Variants in FAM83B observed in about 807,000 individuals in gnomAD.
FAM83B encodes protein FAM83B.
FAM83B carries 26 observed loss-of-function variants against 38.8 expected under a neutral mutation model. The observed-to-expected ratio is 0.67, with a 90% CI of 0.49 to 0.93. The LOEUF (loss-of-function observed/expected upper bound fraction) is 0.93, where lower values mean the gene tolerates loss of function less well. FAM83B is among the 40% of genes least tolerant of loss of function. The pLI, the probability that FAM83B is intolerant of heterozygous loss-of-function variation, is 0.00. For missense variants in FAM83B, 1,237 were observed against 1,197.3 expected, an observed-to-expected ratio of 1.03 and a Z score of -0.49; for synonymous variants, 419 against 423.1, an observed-to-expected ratio of 0.99 and a Z score of 0.12.
intron 2 of FAM83B, among the ~76,000 whole-genome samples, chr6:54,924,787 C>CT (rs1459604820): frequency 4.6e-5 from 7 of 152,040 alleles, no homozygotes; most frequent in Non-Finnish European, 1.0e-4. Flanking sequence ...CTTTTCATCC[C>CT]TGACACTACC....
At chr6:54,876,203 G>A (rs761818990) in intron 2 of FAM83B, among the ~76,000 whole-genome samples, 18 of 148,002 alleles carry the variant, frequency 1.2e-4, no homozygotes, top group Admixed American at 4.0e-4. Flanking sequence ...CAGAGTCTTT[G>A]CATTGCTAAT....
At position 54,943,622 on chromosome 6, in the gene FAM83B, GAA is replaced by G. The variant is rs998544452; in HGVS notation, c.*1619_*1620del. 6.6e-6 allele frequency: 1 copy of G among 152,048 alleles called. No homozygotes were observed. Among genetic ancestry groups the G allele is most frequent in the Non-Finnish European group, 1.5e-5 (1 of 68,000 alleles). 9.4% of individuals were successfully genotyped at this position (152,048 alleles called of 1,614,324 possible). On this transcript the variant is annotated 3_prime_UTR_variant, in exon 5 of 5. Transcript: ENST00000306858. The stretch of plus-strand genomic sequence containing the variant: ...ATTTTCCATAGTGTTTAGAAACCAT[GAA>G]AAAGAAAACATAGCAGGAGAAAATA...
intron 1 of FAM83B, among the ~76,000 whole-genome samples, chr6:54,859,918 T>C (rs1771535996): frequency 6.6e-6 from 1 of 152,266 alleles, no homozygotes; most frequent in South Asian, 2.1e-4. Flanking sequence ...GTACTTCTTT[T>C]AAAAAATCTT....
intron 2 of FAM83B, among the ~76,000 whole-genome samples, chr6:54,896,725 TC>T (rs1402155843): frequency 6.6e-6 from 1 of 152,210 alleles, no homozygotes; most frequent in Non-Finnish European, 1.5e-5. Context: ...TAAATTATGT[TC>T]TGGACACTAT....
At chr6:54,881,069 T>C (rs1772121751) in intron 2 of FAM83B, among the ~76,000 whole-genome samples, 1 of 152,222 alleles carries the variant, frequency 6.6e-6, no homozygotes, top group Non-Finnish European at 1.5e-5. Flanking sequence ...ATTGGTTTCT[T>C]GTACTGAAAT....
chr6:54,927,467 C>T (rs1280752313), intron 3 of FAM83B, 41 bp from the exon 4 acceptor site: 1 of 1,443,540 alleles, frequency 6.9e-7, no homozygotes, highest in South Asian at 1.7e-5. Context: ...ATATTCTTTT[C>T]CTAGCCATAA....
chr6:54,900,308 GCATATCA>G (rs1443423602), intron 2 of FAM83B, among the ~76,000 whole-genome samples: 1 of 152,098 alleles, frequency 6.6e-6, no homozygotes, highest in African/African-American at 2.4e-5. Context: ...CCCCATGCTG[GCATATCA>G]GGATCTCTGG....
chr6:54,879,085 A>G (rs1733452603), intron 2 of FAM83B, among the ~76,000 whole-genome samples: 1 of 152,186 alleles, frequency 6.6e-6, no homozygotes, highest in South Asian at 2.1e-4. Flanking sequence ...GCAGGCATAG[A>G]GACTGAGTTA....
At chr6:54,878,209 G>A (rs1392701112) in intron 2 of FAM83B, among the ~76,000 whole-genome samples, 1 of 152,140 alleles carries the variant, frequency 6.6e-6, no homozygotes, top group Non-Finnish European at 1.5e-5. Context: ...ATAGGTTAAA[G>A]GTATTGCAGG....
chr6:54,898,693 C>G (rs1008634107), intron 2 of FAM83B, among the ~76,000 whole-genome samples: 1 of 152,132 alleles, frequency 6.6e-6, no homozygotes, highest in Admixed American at 6.6e-5. Context: ...TGTTTTAACT[C>G]TTTCCTCTTT....
At chr6:54,847,987 A>G (rs2127570095) in intron 1 of FAM83B, among the ~76,000 whole-genome samples, 1 of 152,200 alleles carries the variant, frequency 6.6e-6, no homozygotes, top group Non-Finnish European at 1.5e-5. Context: ...TAACAAGTGC[A>G]AGAGCCCCGA....
At chr6:54,918,709 T>G (rs1445995506) in intron 2 of FAM83B, among the ~76,000 whole-genome samples, 1 of 152,112 alleles carries the variant, frequency 6.6e-6, no homozygotes, top group African/African-American at 2.4e-5. Flanking sequence ...CAATTCAAGC[T>G]GAGATTTGGA....
intron 2 of FAM83B, among the ~76,000 whole-genome samples, chr6:54,915,812 C>CAAAAAAAAAAAAAA (rs58597609): frequency 5.5e-5 from 1 of 18,048 alleles, no homozygotes; most frequent in African/African-American, 2.4e-4. Flanking sequence ...GACTCCGTCT[C>CAAAAAAAAAAAAAA]AAAAAAAAAA....
intron 1 of FAM83B, 96 bp from the exon 2 acceptor site, chr6:54,870,091 A>C: frequency 1.7e-6 from 1 of 598,560 alleles, no homozygotes. Flanking sequence ...TGGTAATGGA[A>C]ATGTGTAAAT....
chr6:54,910,156 CTAGCTGTTTCA>C (rs1772872527), intron 2 of FAM83B, among the ~76,000 whole-genome samples: 1 of 152,142 alleles, frequency 6.6e-6, no homozygotes, highest in Non-Finnish European at 1.5e-5. Flanking sequence ...GAGTTTCCAC[CTAGCTGTTTCA>C]TAGATGGCTG....
In FAM83B at chr6:54,942,590, G is replaced by T. The variant is rs754316063; in HGVS notation, c.*583G>T. On this transcript the variant is annotated 3_prime_UTR_variant, in exon 5 of 5. Transcript: ENST00000306858. The stretch of plus-strand genomic sequence containing the variant: ...ATTTTTTTTTCTGCCTGAAGTGTTT[G>T]CAAAGTATCAGCCTCATGTAGTATA... Among the ~76,000 whole-genome samples the T allele has an allele frequency of 1.3e-5, 2 of 151,036 alleles. No homozygotes were observed. Among genetic ancestry groups the T allele is most frequent in the South Asian group, 2.1e-4 (1 of 4,770 alleles).
chr6:54,921,273 A>C (rs1406001204), intron 2 of FAM83B, among the ~76,000 whole-genome samples: 2 of 151,794 alleles, frequency 1.3e-5, no homozygotes, highest in African/African-American at 4.8e-5. Context: ...TTGATTATGT[A>C]CTTTCCTGAA....
chr6:54,858,265 T>C (rs1771490882), intron 1 of FAM83B, among the ~76,000 whole-genome samples: 1 of 152,178 alleles, frequency 6.6e-6, no homozygotes, highest in Non-Finnish European at 1.5e-5. Context: ...CTAACAATAG[T>C]CACTATTTAA....
At chr6:54,927,887 C>G (rs1773339418) in intron 4 of FAM83B, among the ~76,000 whole-genome samples, 1 of 152,058 alleles carries the variant, frequency 6.6e-6, no homozygotes, top group Non-Finnish European at 1.5e-5. Flanking sequence ...AAGACATTGA[C>G]CAATATCTAA....
Sources: gnomAD v4.1 joint callset for allele counts (sites outside exome capture counted in the v4.1 genomes callset) on GRCh38, gnomAD v4.1.1 for gene constraint, MANE v1.5 for transcripts, NCBI Gene and HGNC (gene_info 2026-07-23, HGNC 2026-07-21) for gene names.